The following DNAH5 variants were observed in gnomAD, a reference collection of about 807,000 sequenced individuals.
DNAH5 encodes the protein dynein axonemal heavy chain 5.
A neutral mutation model predicts 518.2 loss-of-function variants in DNAH5; 372 were observed. The ratio of observed to expected loss-of-function variants is 0.72; its 90% CI spans 0.66 to 0.78. DNAH5 has a LOEUF of 0.78. DNAH5 is among the 30% of genes least tolerant of loss of function. DNAH5 has a pLI of 0.00. For missense variants in DNAH5, 5,523 were observed against 5,687.0 expected (o/e 0.97, Z 0.93); for synonymous variants, 2,039 against 2,025.9 (o/e 1.01, Z -0.17).
intron 1 of DNAH5, among the ~76,000 whole-genome samples, chr5:13,956,312 G>C (rs1246633430): frequency 6.6e-6 from 1 of 152,116 alleles, no homozygotes; most frequent in Non-Finnish European, 1.5e-5. Context: ...ACTGTGACTA[G>C]CACAATATCT....
intron 1 of DNAH5, among the ~76,000 whole-genome samples, chr5:13,982,388 ATGAG>A (rs780174107): frequency 1.4e-4 from 22 of 152,240 alleles, no homozygotes; most frequent in Admixed American, 2.6e-4. Context: ...GCACTATTGC[ATGAG>A]TGAGTAGACA....
At chr5:13,791,900 T>A (rs1757052069) in intron 50 of DNAH5, 94 bp downstream of exon 50, 1 of 1,107,830 alleles carries the variant, frequency 9.0e-7, no homozygotes, top group Admixed American at 2.0e-5. Context: ...CCAAAATATG[T>A]TCACAGTTCA....
chr5:14,007,839 G>A (rs189273703), intron 1 of DNAH5, among the ~76,000 whole-genome samples: 8 of 152,224 alleles, frequency 5.3e-5, no homozygotes, highest in Admixed American at 6.5e-5. Flanking sequence ...GAGCTCCAGC[G>A]TCCTAAAGGG....
chr5:13,855,526 T>C (rs751733710), intron 30 of DNAH5, among the ~76,000 whole-genome samples: 4 of 151,964 alleles, frequency 2.6e-5, no homozygotes, highest in Non-Finnish European at 4.4e-5. Context: ...TACATTTTAA[T>C]GCCCATACTC....
In DNAH5 at chr5:13,865,771, G is replaced by A. The variant is rs191439927; in HGVS notation, c.4252C>T (p.Leu1418=). 2 of 1,610,696 alleles carry A rather than the reference G, an allele frequency of 1.2e-6. No homozygotes were observed. Among genetic ancestry groups the A allele is most frequent in the Non-Finnish European group, 1.7e-6 (2 of 1,176,956 alleles). The change falls in exon 27 of 79, where the codon CTG becomes TTG. Residue 1418 remains leucine (L), a synonymous_variant. Transcript: ENST00000265104. ...ACAGTTTCTATGACACTGTTGTACA[G>A]AGTATATATTTTCTGTAGAAGATTT... is the stretch of plus-strand genomic sequence containing the variant. ...QLNLLQKIYT[L]YNSVIETVNS...
chr5:13,818,868 AAC>A (rs1463981468), intron 41 of DNAH5, among the ~76,000 whole-genome samples: 2 of 152,248 alleles, frequency 1.3e-5, no homozygotes, highest in African/African-American at 4.8e-5. Context: ...TTATCTTCTC[AAC>A]CTTTTGGATT....
Position 13,901,269 on chromosome 5 carries a change from T to C in DNAH5, c.2035A>G (p.Arg679Gly), listed in dbSNP as rs774319188. The C allele has an allele frequency of 5.0e-6, 8 of 1,613,870 alleles. No homozygotes were observed. The Admixed American group carries it at 1.2e-4, about 24-fold the overall frequency. ...GGACTCACTTGCCGAAGCCACGCCCTGTGGAAGAGGACCTCAAACTCCAGG... is the reference window on the plus strand; with the variant it reads ...GGACTCACTTGCCGAAGCCACGCCCCGTGGAAGAGGACCTCAAACTCCAGG... ...VLLEFEVLFHRAWLRQIEEIH... is the reference protein window; with the variant it reads ...VLLEFEVLFHGAWLRQIEEIH... Residue 679 changes from arginine (R) to glycine (G), a missense_variant, in exon 14 of 79, where the codon AGG (arginine) becomes GGG (glycine). Transcript: ENST00000265104.
chr5:13,778,733 A>G (rs1263919195), intron 53 of DNAH5, among the ~76,000 whole-genome samples: 1 of 152,178 alleles, frequency 6.6e-6, no homozygotes, highest in Non-Finnish European at 1.5e-5. Context: ...CTAAGACACC[A>G]ACAAATAGTT....
At chr5:13,798,984 T>C (rs1758296346) in intron 47 of DNAH5, among the ~76,000 whole-genome samples, 1 of 152,012 alleles carries the variant, frequency 6.6e-6, no homozygotes, top group Non-Finnish European at 1.5e-5. Flanking sequence ...CAAGCTAGTC[T>C]CAAACTCCTG....
intron 52 of DNAH5, among the ~76,000 whole-genome samples, chr5:13,782,195 G>C (rs1755264140): frequency 6.6e-6 from 1 of 152,198 alleles, no homozygotes; most frequent in Admixed American, 6.5e-5. Context: ...GGGACTGGAA[G>C]GGGTCACTTC....
At chr5:13,894,083 C>T (rs1773614330) in intron 16 of DNAH5, among the ~76,000 whole-genome samples, 1 of 152,146 alleles carries the variant, frequency 6.6e-6, no homozygotes, top group Admixed American at 6.6e-5. Context: ...TGGCATGTTA[C>T]AGGCTCTGAA....
intron 70 of DNAH5, among the ~76,000 whole-genome samples, chr5:13,721,633 T>C (rs1181474783): frequency 6.6e-6 from 1 of 152,244 alleles, no homozygotes; most frequent in Admixed American, 6.5e-5. Context: ...ACCTAGAATG[T>C]AATGGGTACT....
At chr5:13,860,438 C>T (rs796374247) in intron 29 of DNAH5, 8 of 152,344 alleles carry the variant, frequency 5.3e-5, no homozygotes, top group African/African-American at 9.6e-5. Context: ...CTGGGTCCTA[C>T]GTACAGAGAC....
At chr5:14,001,061 T>C (rs1317882121) in intron 1 of DNAH5, among the ~76,000 whole-genome samples, 1 of 152,216 alleles carries the variant, frequency 6.6e-6, no homozygotes. Context: ...AAATATTGCA[T>C]GTTCTCACTT....
At chr5:13,845,148 T>C (rs1263574952) in intron 31 of DNAH5, among the ~76,000 whole-genome samples, 155 bp from the exon 32 acceptor site, 1 of 152,190 alleles carries the variant, frequency 6.6e-6, no homozygotes, top group Non-Finnish European at 1.5e-5. Context: ...TTTTTCAATT[T>C]TTTAAGAATG....
chr5:13,708,915 G>C (rs1266270574), intron 75 of DNAH5, among the ~76,000 whole-genome samples: 2 of 152,172 alleles, frequency 1.3e-5, no homozygotes, highest in Middle Eastern at 3.2e-3. Context: ...CAAAAGGCTG[G>C]AGACTCTTCT....
Position 13,842,433 on chromosome 5 carries a change from A to AGAGAG in DNAH5, c.5272-530_5272-529insCTCTC, listed in dbSNP as rs1561407131. ...GAAAGAAAAGAAAAGAAAAGAAAGA[A>AGAGAG]AGAAAGAAAGAAAGAAAGAAAGAAA... On this transcript the variant is annotated intron_variant, in intron 32 of 78. Coordinates refer to ENST00000265104, the MANE Select transcript of DNAH5 (RefSeq NM_001369.3). Among the ~76,000 whole-genome samples, 33 of 61,924 alleles carry AGAGAG rather than the reference A, an allele frequency of 5.3e-4. 2 individuals carry two copies. The highest frequency in any genetic ancestry group is 1.5e-3 in the African/African-American group (23 of 15,450). 40.6% of individuals were successfully genotyped at this position (61,924 alleles called of 152,430 possible).
intron 1 of DNAH5, among the ~76,000 whole-genome samples, chr5:14,006,181 G>A (rs1327064224): frequency 2.6e-5 from 4 of 152,138 alleles, no homozygotes; most frequent in South Asian, 2.1e-4. Context: ...GTTCATCCCT[G>A]ACATATACTT....
chr5:13,841,961 A>G, intron 32 of DNAH5, 57 bp from the exon 33 acceptor site: 1 of 1,111,982 alleles, frequency 9.0e-7, no homozygotes, highest in South Asian at 1.4e-5. Flanking sequence ...AAAAAGTAAA[A>G]ACTAATTATT....
Sources: gnomAD v4.1 joint callset for allele counts (sites outside exome capture counted in the v4.1 genomes callset) on GRCh38, gnomAD v4.1.1 for gene constraint, MANE v1.5 for transcripts, NCBI Gene and HGNC (gene_info 2026-07-23, HGNC 2026-07-21) for gene names.